Variants in TMEM63A observed in about 807,000 individuals in gnomAD.
TMEM63A encodes the protein mechanosensitive cation channel TMEM63A.
In TMEM63A, 76 loss-of-function variants were observed where a neutral mutation model predicts 100.6. The observed-to-expected ratio is 0.76, with a 90% CI of 0.63 to 0.91. The LOEUF (loss-of-function observed/expected upper bound fraction) is 0.91, where lower values mean the gene tolerates loss of function less well. TMEM63A is among the 40% of genes least tolerant of loss of function. TMEM63A has a pLI of 0.00. For missense variants in TMEM63A, 876 were observed against 1,008.8 expected, an observed-to-expected ratio of 0.87 and a Z score of 1.78; for synonymous variants, 401 against 401.1, an observed-to-expected ratio of 1.00 and a Z score of 0.00.
intron 22 of TMEM63A, 30 bp from the exon 23 acceptor site, chr1:225,848,584 T>C: frequency 6.2e-7 from 1 of 1,611,574 alleles, no homozygotes; most frequent in Non-Finnish European, 8.5e-7. Flanking sequence ...CTTGCGATGA[T>C]AAACAAAACT....
At chr1:225,843,134 G>A (rs1007695564), downstream of TMEM63A, among the ~76,000 whole-genome samples, 10 of 152,198 alleles carry the variant, frequency 6.6e-5, no homozygotes, top group Middle Eastern at 3.2e-3. Flanking sequence ...GAACAATGCC[G>A]GGTGAACAGT....
rs766901624 is a variant in TMEM63A at position 225,849,927 on chromosome 1, A to G, written c.2056T>C (p.Ser686Pro). ...GGCTGCTCACCCAGGCGCAGGAAGG[A>G]AAAGAAGTAGAGCCAGAAGAGGCAC... ...ILCLFWLYFF[S>P]FLRLGMKAPA... Residue 686 changes from serine (S) to proline (P), a missense_variant, in exon 21 of 25, where the codon TCC (serine) becomes CCC (proline). Ser to Pro is a moderately conservative substitution (Grantham distance 74, BLOSUM62 -1). Around this residue, in one of 5 missense-constraint regions of TMEM63A, gnomAD observed 339 missense variants for 342.3 expected, o/e 0.99. Coordinates refer to ENST00000366835, the MANE Select transcript of TMEM63A (RefSeq NM_014698.3). 4 of 1,614,032 alleles carry G rather than the reference A, an allele frequency of 2.5e-6. No individual in the cohort carries two copies. Among genetic ancestry groups the G allele is most frequent in the Non-Finnish European group, 3.4e-6 (4 of 1,180,002 alleles).
At chr1:225,875,549 T>C (rs1411980525) in intron 3 of TMEM63A, among the ~76,000 whole-genome samples, 1 of 152,230 alleles carries the variant, frequency 6.6e-6, no homozygotes, top group African/African-American at 2.4e-5. Context: ...CGTGGAATTT[T>C]CTTCAGGTGA....
downstream of TMEM63A, chr1:225,844,624 G>T: frequency 6.2e-7 from 1 of 1,614,024 alleles, no homozygotes; most frequent in East Asian, 2.2e-5. Context: ...AGCATGAGCG[G>T]TGAGCCTGGC....
intron 20 of TMEM63A, among the ~76,000 whole-genome samples, chr1:225,850,759 T>C (rs1669286955): frequency 6.6e-6 from 1 of 152,202 alleles, no homozygotes. Context: ...TTGCCCAGGC[T>C]GGAGTGCAGT....
rs1669139729 is a variant in TMEM63A, at chr1:225,848,512, G to T, written c.2230C>A (p.His744Asn). 1 of 1,614,008 alleles carries T rather than the reference G, an allele frequency of 6.2e-7. No individual in the cohort carries two copies. Among genetic ancestry groups the T allele is most frequent in the Admixed American group, 1.7e-5 (1 of 59,998 alleles). ...CTTACTGTGAACGGTGGGGGCATGTGGGCCTCTGCCTCACTTCCTTTGTCA... is the reference window on the plus strand; with the variant it reads ...CTTACTGTGAACGGTGGGGGCATGTTGGCCTCTGCCTCACTTCCTTTGTCA... ...ASDKGSEAEA[H>N]MPPPFTPYVP... is the part of the protein sequence containing the mutation. The change falls in exon 23 of 25, where the codon CAC (histidine) becomes AAC (asparagine). Residue 744 changes from histidine to asparagine, a missense_variant. Physicochemically the swap from His to Asn is moderately conservative, Grantham distance 68. Transcript: ENST00000366835.
intron 23 of TMEM63A, chr1:225,847,460 G>C: frequency 2.3e-6 from 1 of 437,648 alleles, no homozygotes; most frequent in Non-Finnish European, 4.1e-6. Context: ...CAAGAGAGCA[G>C]TTCTCAGAGG....
In TMEM63A at chr1:225,874,580, C is replaced by A. The variant is rs541462373; in HGVS notation, c.187-213G>T. The stretch of plus-strand genomic sequence containing the variant: ...CTTCACCAGGCTCCTGTCACCTGTG[C>A]CCACGCCACCAAGGCTGCCAGCGCT... On this transcript the variant is annotated intron_variant, in intron 3 of 24. Transcript: ENST00000366835. Among the ~76,000 whole-genome samples the A allele has an allele frequency of 6.6e-5, 10 of 152,340 alleles. No homozygotes were observed. In the East Asian group the frequency reaches 1.7e-3, roughly 26 times the overall value.
At chr1:225,877,808 TCAG>T in intron 2 of TMEM63A, 1 of 497,100 alleles carries the variant, frequency 2.0e-6, no homozygotes, top group Non-Finnish European at 3.6e-6. Context: ...TCTCAGGGGA[TCAG>T]ATGGTCAGAG....
chr1:225,872,119 A>G (rs1476390705), intron 4 of TMEM63A, 66 bp from the exon 5 acceptor site: 3 of 1,261,610 alleles, frequency 2.4e-6, no homozygotes, highest in Admixed American at 2.1e-5. Context: ...CAAACAAGTC[A>G]AAAAGATCAC....
At chr1:225,857,067 C>G in intron 15 of TMEM63A, 50 bp from the exon 16 acceptor site, 1 of 1,461,732 alleles carries the variant, frequency 6.8e-7, no homozygotes, top group Non-Finnish European at 9.1e-7. Flanking sequence ...GTGGGCCACG[C>G]GGCTCTGAGG....
At position 225,867,115 on chromosome 1, in the gene TMEM63A, G is replaced by C. The variant is rs1337280603; in HGVS notation, c.563C>G (p.Thr188Ser). 2.5e-6 allele frequency: 4 copies of C among 1,614,132 alleles called. No individual in the cohort carries two copies. The highest frequency in any genetic ancestry group is 3.4e-6 in the Non-Finnish European group (4 of 1,180,036). Residue 188 changes from threonine to serine, a missense_variant, in exon 8 of 25, where the codon ACT becomes AGT. Thr to Ser is a moderately conservative substitution (Grantham distance 58). Coordinates refer to ENST00000366835, the MANE Select transcript of TMEM63A (RefSeq NM_014698.3). The surrounding 1 kb of genome is among the most constrained non-coding windows in gnomAD (Gnocchi z 4.6). ...TCCCCACGGGCTCCATACTCACTCA[G>C]TCTGTAGGTTTGCTATTGTTGTCCT... ...FGRTTIANLQ[T>S]DNDLLWLHTI... is the part of the protein sequence containing the mutation.
At chr1:225,878,563 T>C (rs1357392617) in intron 2 of TMEM63A, among the ~76,000 whole-genome samples, 1 of 152,174 alleles carries the variant, frequency 6.6e-6, no homozygotes, top group Non-Finnish European at 1.5e-5. Flanking sequence ...GTCTGTCCCC[T>C]GACACCAGAG....
At chr1:225,863,941 C>G (rs10799328) in intron 10 of TMEM63A, 7 of 47,822 alleles carry the variant, frequency 1.5e-4, no homozygotes. Flanking sequence ...AAAAAAAAAA[C>G]CCAGCAAAAT....
intron 2 of TMEM63A, among the ~76,000 whole-genome samples, chr1:225,878,779 T>C (rs1670938329): frequency 6.6e-6 from 1 of 152,014 alleles, no homozygotes; most frequent in African/African-American, 2.4e-5. Context: ...CCCAAACAGA[T>C]GTTTGGATAC....
chr1:225,875,746 C>T (rs360092), intron 3 of TMEM63A, among the ~76,000 whole-genome samples: 1 of 149,860 alleles, frequency 6.7e-6, no homozygotes, highest in Non-Finnish European at 1.5e-5. Flanking sequence ...CCCCCTCCCC[C>T]ACCCCCAAAA....
chr1:225,861,261 C>A (rs1270108936), intron 13 of TMEM63A: 2 of 306,112 alleles, frequency 6.5e-6, no homozygotes, highest in Non-Finnish European at 1.2e-5. Flanking sequence ...ACACACTGCT[C>A]TTCCATAGGG....
At chr1:225,844,299 C>T (rs573011035), downstream of TMEM63A, among the ~76,000 whole-genome samples, 17 of 152,172 alleles carry the variant, frequency 1.1e-4, no homozygotes, top group East Asian at 3.3e-3. Context: ...ATAAGAGACA[C>T]TTCAACTAAA....
At chr1:225,856,854 G>T in intron 16 of TMEM63A, 57 bp downstream of exon 16, 1 of 1,589,820 alleles carries the variant, frequency 6.3e-7, no homozygotes, top group Admixed American at 1.8e-5. Flanking sequence ...TGTGGACAAG[G>T]GAGCGGTCAG....
Sources: allele counts gnomAD v4.1 joint callset (sites outside exome capture counted in the v4.1 genomes callset), GRCh38; gene constraint gnomAD v4.1.1; regional missense constraint gnomAD v4.1.1; non-coding constraint Gnocchi (gnomAD v3.1); transcripts MANE v1.5; gene names NCBI Gene and HGNC (gene_info 2026-07-23, HGNC 2026-07-21).